Variants in HSPA8 observed in about 807,000 individuals in gnomAD.
The protein encoded by HSPA8 is heat shock protein family A (Hsp70) member 8.
A neutral mutation model predicts 52.8 loss-of-function variants in HSPA8; 2 were observed. That is an observed-to-expected ratio of 0.04 (90% CI 0.02 to 0.12). The LOEUF (loss-of-function observed/expected upper bound fraction) is 0.12, where lower values mean the gene tolerates loss of function less well. Ranked by LOEUF, HSPA8 falls within the 10% of genes least tolerant of loss-of-function variation. The pLI, the probability that HSPA8 is intolerant of heterozygous loss-of-function variation, is 1.00. For missense variants in HSPA8, 349 were observed against 800.5 expected (o/e 0.44, Z 6.81); for synonymous variants, 436 against 274.0 (o/e 1.59, Z -5.84).
chr11:123,062,271 G>A (rs914621658), upstream of HSPA8: 2 of 152,838 alleles, frequency 1.3e-5, no homozygotes, highest in African/African-American at 4.8e-5. Context: ...CCAATCACAA[G>A]CCCGGCTCCA....
chr11:123,058,558 G>A (rs151030925), intron 7 of HSPA8, 74 bp from the exon 8 acceptor site: 4 of 1,572,022 alleles, frequency 2.5e-6, no homozygotes, highest in African/African-American at 2.7e-5. Flanking sequence ...CTCTTAGCTA[G>A]ACGCCCTTAG....
In HSPA8 at chr11:123,060,677, T is replaced by G. The variant is rs764136878; in HGVS notation, c.327A>C (p.Gly109=). Reference sequence around the variant, plus strand: ...CCTCTGGATAGAAGCTTTTGGTCTCTCCCTTGTATTCTACTTGGACCTTGG... The same window carrying G: ...CCTCTGGATAGAAGCTTTTGGTCTCGCCCTTGTATTCTACTTGGACCTTGG... ...GRPKVQVEYK[G]ETKSFYPEEV... The change falls in exon 3 of 9, where the codon GGA becomes GGC. Residue 109 remains glycine (G), a synonymous_variant. Transcript: ENST00000534624. 4.3e-6 allele frequency: 7 copies of G among 1,613,700 alleles called. No individual in the cohort carries two copies. The Admixed American group carries it at 1.2e-4, about 27-fold the overall frequency.
chr11:123,058,529 G>GTT (rs575956745), intron 7 of HSPA8, 45 bp from the exon 8 acceptor site: 1 of 1,587,808 alleles, frequency 6.3e-7, no homozygotes, highest in African/African-American at 1.3e-5. Context: ...AATTACCTGT[G>GTT]TATGTGTAAC....
chr11:123,061,336 A>C lies in HSPA8; in HGVS notation c.-5-7T>G. On this transcript the variant is annotated splice_region_variant and splice_polypyrimidine_tract_variant and intron_variant, in intron 1 of 8. Transcript: ENST00000534624. The stretch of plus-strand genomic sequence containing the variant: ...GGTCCCTTGGACATGGTTGCTGAAA[A>C]AAAGAAAAATCTGGTTTAAAAATTC... 3 of 1,607,060 alleles carry C rather than the reference A, an allele frequency of 1.9e-6. No individual in the cohort carries two copies. In the South Asian group the frequency reaches 3.3e-5, roughly 18 times the overall value.
chr11:123,059,315 G>T, intron 5 of HSPA8, 54 bp from the exon 6 acceptor site: 1 of 1,498,814 alleles, frequency 6.7e-7, no homozygotes, highest in Non-Finnish European at 9.2e-7. Context: ...CCAGTACATA[G>T]CTCCTGTTTT....
intron 3 of HSPA8, 125 bp downstream of exon 3, chr11:123,060,468 C>A: frequency 1.1e-6 from 1 of 911,064 alleles, no homozygotes. Context: ...CACTGTTGGG[C>A]ACGTGGTCTT....
rs1555074072 is a variant in HSPA8 at position 123,058,244 on chromosome 11, A to AAAAAC, written c.1755+7_1755+8insGTTTT. The AAAAAC allele has an allele frequency of 3.3e-6, 5 of 1,512,200 alleles. No individual in the cohort carries two copies. The highest frequency in any genetic ancestry group is 2.3e-5 in the East Asian group (1 of 44,108). The allele number at this position is 1,512,200 out of a possible 1,614,324, so 93.7% of individuals were successfully genotyped here. The stretch of plus-strand genomic sequence containing the variant: ...GGGGGAGGAAAAAAAAAAAAAAAAA[A>AAAAAC]CACAAACCTGATTCTTATCAAGCCA... On this transcript the variant is annotated splice_region_variant and intron_variant, in intron 8 of 8. Coordinates refer to ENST00000534624, the MANE Select transcript of HSPA8 (RefSeq NM_006597.6).
At chr11:123,060,375 C>A (rs990719818) in intron 3 of HSPA8, 107 bp from the exon 4 acceptor site, 5 of 1,121,690 alleles carry the variant, frequency 4.5e-6, no homozygotes, top group African/African-American at 1.6e-5. Flanking sequence ...GCACCCCCCC[C>A]ACCAAAATGT....
upstream of HSPA8, chr11:123,062,421 G>C (rs1865542454): frequency 6.6e-6 from 1 of 152,352 alleles, no homozygotes; most frequent in African/African-American, 2.4e-5. Flanking sequence ...GGGGCGCAGC[G>C]AGTCCGCGCG....
At chr11:123,060,940 C>T (rs1865479710) in intron 2 of HSPA8, 142 bp from the exon 3 acceptor site, 4 of 890,550 alleles carry the variant, frequency 4.5e-6, no homozygotes, top group Non-Finnish European at 7.0e-6. Context: ...AAACTTCAAC[C>T]TCCTACGTTA....
In HSPA8 at chr11:123,061,143, A is replaced by G. The variant is rs1252070613; in HGVS notation, c.182T>C (p.Met61Thr). The G allele has an allele frequency of 1.2e-6, 2 of 1,613,782 alleles. No homozygotes were observed. The highest frequency in any genetic ancestry group is 1.3e-5 in the African/African-American group (1 of 74,886). ...IGDAAKNQVA[M>T]NPTNTVFDAK... ...ACCAAAAACTGTGTTGGTGGGGTTC[A>G]TTGCAACTTGATTCTTTGCGGCATC... Residue 61 changes from methionine to threonine, a missense_variant, in exon 2 of 9, where the codon ATG (methionine) becomes ACG (threonine). Transcript: ENST00000534624.
At position 123,059,675 on chromosome 11, in the gene HSPA8, A is replaced by G. The variant is rs1442937996; in HGVS notation, c.918T>C (p.Asn306=). Residue 306 remains asparagine, a synonymous_variant, in exon 5 of 9, where the codon AAT becomes AAC. Transcript: ENST00000534624. ...CCAGGGTGCCACGGAACAGGTCAGCATTCAGTTCTTCAAATCGGGCACGGG... is the reference window on the plus strand; with the variant it reads ...CCAGGGTGCCACGGAACAGGTCAGCGTTCAGTTCTTCAAATCGGGCACGGG... The part of the protein sequence containing the change: ...SITRARFEEL[N]ADLFRGTLDP... The G allele has an allele frequency of 6.2e-7, 1 of 1,614,080 alleles. No homozygotes were observed. The highest frequency in any genetic ancestry group is 1.7e-5 in the Admixed American group (1 of 60,004).
At chr11:123,059,421 G>GAGTCA (rs755777776) in intron 5 of HSPA8, 52 bp downstream of exon 5, 1 of 1,492,968 alleles carries the variant, frequency 6.7e-7, no homozygotes, top group South Asian at 1.2e-5. Context: ...TCATCACAGC[G>GAGTCA]AGTCACCTTG....
rs1865470274 is a variant in HSPA8, at chr11:123,060,669, T to C, written c.335A>G (p.Lys112Arg). Residue 112 changes from lysine (K) to arginine (R), a missense_variant, in exon 3 of 9, where the codon AAA (lysine) becomes AGA (arginine). Transcript: ENST00000534624. ...AGACACCTCCTCTGGATAGAAGCTT[T>C]TGGTCTCTCCCTTGTATTCTACTTG... ...KVQVEYKGET[K>R]SFYPEEVSSM... 2 of 1,613,664 alleles carry C rather than the reference T, an allele frequency of 1.2e-6. No homozygotes were observed. Among genetic ancestry groups the C allele is most frequent in the Middle Eastern group, 1.6e-4 (1 of 6,080 alleles).
At chr11:123,060,427 T>C in intron 3 of HSPA8, 159 bp from the exon 4 acceptor site, 1 of 926,412 alleles carries the variant, frequency 1.1e-6, no homozygotes, top group Non-Finnish European at 1.7e-6. Context: ...TTTCTGGTGT[T>C]GACAGACCCA....
intron 1 of HSPA8, chr11:123,061,741 C>G (rs975442068): frequency 5.5e-6 from 1 of 181,502 alleles, no homozygotes; most frequent in African/African-American, 2.4e-5. Flanking sequence ...AAGCAGGGAA[C>G]TGGGTGAAAG....
intron 8 of HSPA8, 26 bp downstream of exon 8, chr11:123,058,226 G>A (rs1337530398): frequency 1.2e-4 from 119 of 1,013,432 alleles, no homozygotes; most frequent in African/African-American, 3.0e-4. Context: ...AGTGGGGGAG[G>A]AAAAAAAAAA....
In HSPA8 at chr11:123,059,990, T is replaced by A. The variant is rs1347414056; in HGVS notation, c.603A>T (p.Gly201=). The change falls in exon 5 of 9, where the codon GGA becomes GGT. Residue 201 remains glycine (G), a synonymous_variant. Transcript: ENST00000534624. ...GGATTGACACATCAAAAGTGCCACC[T>A]CCCAGGTCAAAGATGAGCACGTTTC... ...AERNVLIFDL[G]GGTFDVSILT... is the part of the protein sequence containing the mutation. 2 of 1,613,804 alleles carry A rather than the reference T, an allele frequency of 1.2e-6. No homozygotes were observed. Among genetic ancestry groups the A allele is most frequent in the African/African-American group, 2.7e-5 (2 of 74,886 alleles).
intron 3 of HSPA8, 126 bp from the exon 4 acceptor site, chr11:123,060,394 GTGTAAT>G: frequency 5.9e-6 from 6 of 1,015,120 alleles, no homozygotes; most frequent in Non-Finnish European, 8.9e-6. Context: ...GTAAATTACT[GTGTAAT>G]TGTCAAGATT....
Sources: allele counts gnomAD v4.1 joint callset, GRCh38; gene constraint gnomAD v4.1.1; transcripts MANE v1.5; gene names NCBI Gene and HGNC (gene_info 2026-07-23, HGNC 2026-07-21).